Variants in PTPN2 observed in about 807,000 individuals in gnomAD.
PTPN2 encodes the protein protein tyrosine phosphatase non-receptor type 2.
In PTPN2, 19 loss-of-function variants were observed where a neutral mutation model predicts 57.3. The observed-to-expected ratio is 0.33, with a 90% CI of 0.23 to 0.49. The LOEUF is 0.49. Ranked by LOEUF, PTPN2 falls within the 20% of genes least tolerant of loss-of-function variation. The pLI is 0.99. For missense variants in PTPN2, 358 were observed against 501.1 expected, an observed-to-expected ratio of 0.71 and a Z score of 2.73; for synonymous variants, 153 against 164.9, an observed-to-expected ratio of 0.93 and a Z score of 0.55.
chr18:12,870,683 G>T (rs1459347029), intron 1 of PTPN2, among the ~76,000 whole-genome samples: 1 of 150,432 alleles, frequency 6.6e-6, no homozygotes, highest in Non-Finnish European at 1.5e-5. Context: ...TACTTTTTTT[G>T]TGTTTTTAGT....
At chr18:12,798,081 T>A (rs1598735210) in intron 8 of PTPN2, among the ~76,000 whole-genome samples, 1 of 152,104 alleles carries the variant, frequency 6.6e-6, no homozygotes, top group Admixed American at 6.6e-5. Flanking sequence ...GGTTTCTGGG[T>A]TGAACTGTAA....
intron 7 of PTPN2, among the ~76,000 whole-genome samples, chr18:12,810,745 T>G (rs1338362629): frequency 6.6e-6 from 1 of 152,036 alleles, no homozygotes; most frequent in African/African-American, 2.4e-5. Context: ...AAAGCTTGAG[T>G]AGGAGAGATG....
chr18:12,803,764 C>A (rs1314755703), intron 7 of PTPN2, among the ~76,000 whole-genome samples: 2 of 152,070 alleles, frequency 1.3e-5, no homozygotes, highest in Non-Finnish European at 2.9e-5. Flanking sequence ...ACATAGACTG[C>A]AATACAATAA....
Position 12,814,367 on chromosome 18 carries a change from G to A in PTPN2, c.706-12C>T, listed in dbSNP as rs1377516657. ...TCTCCTTTTTCCATCTGCAAGAAAGGCAAAAAATGAGACAAGTCTTGTTAT... is the reference window on the plus strand; with the variant it reads ...TCTCCTTTTTCCATCTGCAAGAAAGACAAAAAATGAGACAAGTCTTGTTAT... On this transcript the variant is annotated splice_polypyrimidine_tract_variant and intron_variant, in intron 6 of 8. Transcript: ENST00000309660. The A allele has an allele frequency of 1.6e-5, 25 of 1,567,776 alleles. No homozygotes were observed. In the Admixed American group the frequency reaches 1.9e-4, roughly 12 times the overall value.
chr18:12,811,713 G>A (rs141036981), intron 7 of PTPN2, among the ~76,000 whole-genome samples: 365 of 152,304 alleles, frequency 2.4e-3, no homozygotes, highest in Non-Finnish European at 4.1e-3. Context: ...ACACAAGGGA[G>A]CCAGCACTCC....
intron 1 of PTPN2, chr18:12,880,694 A>C (rs1387481586): frequency 6.6e-6 from 1 of 152,148 alleles, no homozygotes; most frequent in African/African-American, 2.4e-5. Flanking sequence ...CTTTTTTGCA[A>C]GTTCCTCTTT....
At chr18:12,881,650 T>C (rs558696079) in intron 1 of PTPN2, among the ~76,000 whole-genome samples, 1 of 152,304 alleles carries the variant, frequency 6.6e-6, no homozygotes, top group East Asian at 1.9e-4. Flanking sequence ...ACAGTAATTC[T>C]CTTCACCTCC....
chr18:12,834,447 A>G (rs2042780592), intron 3 of PTPN2, among the ~76,000 whole-genome samples: 1 of 152,252 alleles, frequency 6.6e-6, no homozygotes, highest in South Asian at 2.1e-4. Flanking sequence ...TATACAAAGC[A>G]TGTAAAAACA....
rs60474474 is a variant in PTPN2, at chr18:12,792,737, C to T, written c.*1541G>A. 0.13 allele frequency: 22,440 copies of T among 177,508 alleles called. 1,683 individuals are homozygous for T. The highest frequency in any genetic ancestry group is 0.18 in the South Asian group (976 of 5,298). The allele number at this position is 177,508 out of a possible 1,614,324, so 11.0% of individuals were successfully genotyped here. ...TCCTGAGTAGCTGAGATTACAGGTG[C>T]CCTCCACCATGCCCAGCTAATTTTT... On this transcript the variant is annotated 3_prime_UTR_variant, in exon 9 of 9. Coordinates refer to ENST00000309660, the MANE Select transcript of PTPN2 (RefSeq NM_002828.4).
At chr18:12,785,914 C>T (rs1234532413) in intron 9 of PTPN2, 100 of 1,318,138 alleles carry the variant, frequency 7.6e-5, no homozygotes, top group Non-Finnish European at 1.1e-4. Context: ...CATAGATGCA[C>T]ACAAACATAA....
At chr18:12,874,175 G>C (rs1252334800) in intron 1 of PTPN2, among the ~76,000 whole-genome samples, 1 of 150,792 alleles carries the variant, frequency 6.6e-6, no homozygotes, top group Non-Finnish European at 1.5e-5. Flanking sequence ...GCCCCCGCCA[G>C]GCGAGCCGCC....
chr18:12,855,667 A>T (rs1229547765), intron 2 of PTPN2, among the ~76,000 whole-genome samples: 1 of 152,180 alleles, frequency 6.6e-6, no homozygotes, highest in East Asian at 1.9e-4. Context: ...AGTGGGGCAG[A>T]CGAGGGCATG....
chr18:12,823,677 A>C (rs556713114), intron 5 of PTPN2, among the ~76,000 whole-genome samples: 2 of 152,306 alleles, frequency 1.3e-5, no homozygotes, highest in African/African-American at 4.8e-5. Context: ...TTTGTCTTAA[A>C]AAATAGGGGA....
At chr18:12,822,114 T>C (rs529433954) in intron 5 of PTPN2, among the ~76,000 whole-genome samples, 57 of 152,158 alleles carry the variant, frequency 3.7e-4, no homozygotes, top group Non-Finnish European at 1.5e-4. Context: ...CATAGATACA[T>C]GTTAGGAGAG....
At chr18:12,787,424 T>C (rs143276090), downstream of PTPN2, 45 of 152,350 alleles carry the variant, frequency 3.0e-4, no homozygotes, top group East Asian at 6.4e-3. Context: ...GAATGCTGTT[T>C]ACCTAGAAGA....
chr18:12,817,168 A>G lies in PTPN2; in HGVS notation c.693T>C (p.Thr231=). Residue 231 remains threonine, a synonymous_variant, in exon 6 of 9, where the codon ACT becomes ACC. Coordinates refer to ENST00000309660, the MANE Select transcript of PTPN2 (RefSeq NM_002828.4). Reference sequence around the variant, plus strand: ...AAGAAGCACTTACCAAAACAAGACAAGTGTCTACCAGAGAGAAGGTGCCAG... The same window carrying G: ...AAGAAGCACTTACCAAAACAAGACAGGTGTCTACCAGAGAGAAGGTGCCAG... ...GRSGTFSLVD[T]CLVLMEKGDD... is the part of the protein sequence containing the mutation. The G allele has an allele frequency of 6.2e-7, 1 of 1,613,644 alleles. No homozygotes were observed. Among genetic ancestry groups the G allele is most frequent in the Non-Finnish European group, 8.5e-7 (1 of 1,179,848 alleles).
intron 1 of PTPN2, among the ~76,000 whole-genome samples, chr18:12,872,736 A>G (rs1435084017): frequency 6.6e-6 from 1 of 152,250 alleles, no homozygotes; most frequent in Non-Finnish European, 1.5e-5. Context: ...AAAGGTGTCT[A>G]AAGGTATCTA....
intron 2 of PTPN2, among the ~76,000 whole-genome samples, chr18:12,841,323 T>G (rs2043037749): frequency 1.3e-5 from 2 of 152,212 alleles, no homozygotes; most frequent in South Asian, 4.1e-4. Flanking sequence ...ACGTGGGCCG[T>G]GCTACAGGCA....
chr18:12,828,179 T>G (rs1452482703), intron 4 of PTPN2, among the ~76,000 whole-genome samples: 1 of 152,156 alleles, frequency 6.6e-6, no homozygotes. Context: ...CAAACTGACT[T>G]TCAGATATTA....
Sources: gnomAD v4.1 joint callset for allele counts (sites outside exome capture counted in the v4.1 genomes callset) on GRCh38, gnomAD v4.1.1 for gene constraint, MANE v1.5 for transcripts, NCBI Gene and HGNC (gene_info 2026-07-23, HGNC 2026-07-21) for gene names.